The following EPB41L4A variants were observed in gnomAD, a reference collection of about 807,000 sequenced individuals.
EPB41L4A encodes erythrocyte membrane protein band 4.1 like 4A, also known as band 4.1-like protein 4A.
A neutral mutation model predicts 108.6 loss-of-function variants in EPB41L4A; 100 were observed. The observed-to-expected ratio is 0.92, with a 90% CI of 0.78 to 1.09. EPB41L4A has a LOEUF of 1.09. Ranked by LOEUF, EPB41L4A falls within the 50% of genes least tolerant of loss-of-function variation. The probability of loss-of-function intolerance (pLI) is 0.00; values close to 1 mark genes in which losing one functional copy is unlikely to be tolerated. For missense variants in EPB41L4A, 1,030 were observed against 842.7 expected (o/e 1.22, Z -2.75); for synonymous variants, 319 against 289.0 (o/e 1.10, Z -1.05).
In EPB41L4A at chr5:112,303,757, G is replaced by A. The variant is rs77848434; in HGVS notation, c.204+3629C>T. On this transcript the variant is annotated intron_variant, in intron 2 of 22. Coordinates refer to ENST00000261486, the MANE Select transcript of EPB41L4A (RefSeq NM_022140.5). The stretch of plus-strand genomic sequence containing the variant: ...GATGTGATCGGGAAAAAAGCTGCAT[G>A]GTGATATGTTTAGGAAACAATGGGA... Among the ~76,000 whole-genome samples, 1,131 of 152,232 alleles carry A rather than the reference G, an allele frequency of 7.4e-3. 16 individuals carry two copies. The highest frequency in any genetic ancestry group is 0.025 in the African/African-American group (1,052 of 41,544).
chr5:112,244,207 G>A (rs899089654), intron 9 of EPB41L4A, among the ~76,000 whole-genome samples: 1 of 152,204 alleles, frequency 6.6e-6, no homozygotes, highest in Non-Finnish European at 1.5e-5. Flanking sequence ...TAAGGACAGG[G>A]AGAGAGACAG....
In EPB41L4A at chr5:112,310,927, G is replaced by C. The variant is rs560281017; in HGVS notation, c.100-3437C>G. On this transcript the variant is annotated intron_variant, in intron 1 of 22. Coordinates refer to ENST00000261486, the MANE Select transcript of EPB41L4A (RefSeq NM_022140.5). The stretch of plus-strand genomic sequence containing the variant: ...CACAGAGTAGCTCCCAAGAGTAAGG[G>C]AGTATCCAATAGCAAAGGCATCCAA... Among the ~76,000 whole-genome samples, 6 of 152,210 alleles carry C rather than the reference G, an allele frequency of 3.9e-5. 1 individual carries two copies. In the South Asian group the frequency reaches 1.2e-3, roughly 32 times the overall value.
chr5:112,402,614 C>A (rs369546792), intron 1 of EPB41L4A, among the ~76,000 whole-genome samples: 1 of 152,096 alleles, frequency 6.6e-6, no homozygotes, highest in Admixed American at 6.6e-5. Flanking sequence ...GTGGAAGACT[C>A]GGCACTACAG....
chr5:112,346,345 C>T (rs1430726431), intron 1 of EPB41L4A, among the ~76,000 whole-genome samples: 1 of 150,370 alleles, frequency 6.7e-6, no homozygotes, highest in African/African-American at 2.4e-5. Flanking sequence ...CCTGCCTCAG[C>T]CTCCTGTAGC....
chr5:112,265,089 C>A, intron 5 of EPB41L4A, 73 bp from the exon 6 acceptor site: 1 of 1,286,320 alleles, frequency 7.8e-7, no homozygotes, highest in South Asian at 1.8e-5. Flanking sequence ...TAAAATATTC[C>A]TAACATGCTT....
chr5:112,176,962 C>T (rs1434264623), intron 18 of EPB41L4A, among the ~76,000 whole-genome samples: 9 of 152,068 alleles, frequency 5.9e-5, no homozygotes, highest in Middle Eastern at 3.4e-3. Flanking sequence ...ACCACGTTGG[C>T]CAGGCTTGTC....
intron 18 of EPB41L4A, among the ~76,000 whole-genome samples, chr5:112,174,545 A>G (rs537938144): frequency 5.3e-5 from 8 of 152,352 alleles, no homozygotes; most frequent in Non-Finnish European, 1.0e-4. Context: ...AATTAGTTTG[A>G]TGACACATCA....
At chr5:112,269,144 CTAAAAACTGG>C (rs1168848661) in intron 4 of EPB41L4A, among the ~76,000 whole-genome samples, 1 of 151,732 alleles carries the variant, frequency 6.6e-6, no homozygotes, top group Admixed American at 6.6e-5. Context: ...AGACAAAATT[CTAAAAACTGG>C]TAACATCATT....
At chr5:112,416,197 T>A (rs535221989) in intron 1 of EPB41L4A, among the ~76,000 whole-genome samples, 1 of 152,260 alleles carries the variant, frequency 6.6e-6, no homozygotes, top group South Asian at 2.1e-4. Flanking sequence ...TTTCTATTTG[T>A]AATTTGGTGC....
intron 3 of EPB41L4A, among the ~76,000 whole-genome samples, chr5:112,278,603 A>G (rs1330045105): frequency 6.6e-6 from 1 of 152,164 alleles, no homozygotes; most frequent in Admixed American, 6.5e-5. Context: ...TGCATTATAG[A>G]CTGATACTTA....
In EPB41L4A at chr5:112,298,092, C is replaced by A. The variant is rs367970224; in HGVS notation, c.204+9294G>T. Among the ~76,000 whole-genome samples the A allele has an allele frequency of 2.0e-5, 3 of 152,036 alleles. No individual in the cohort carries two copies. The East Asian group carries it at 5.8e-4, about 29-fold the overall frequency. ...TCCAGCTATGTTCTTTTTGCTTAGT[C>A]TCACTTTGGCTACGCAGGCTCTTTT... On this transcript the variant is annotated intron_variant, in intron 2 of 22. Coordinates refer to ENST00000261486, the MANE Select transcript of EPB41L4A (RefSeq NM_022140.5).
At chr5:112,187,739 GA>G (rs1761497642) in intron 17 of EPB41L4A, among the ~76,000 whole-genome samples, 1 of 152,116 alleles carries the variant, frequency 6.6e-6, no homozygotes, top group Non-Finnish European at 1.5e-5. Context: ...GCTCCTAACA[GA>G]ACCTTTCTTT....
At chr5:112,313,274 G>A (rs1301290057) in intron 1 of EPB41L4A, among the ~76,000 whole-genome samples, 2 of 152,188 alleles carry the variant, frequency 1.3e-5, no homozygotes, top group South Asian at 2.1e-4. Flanking sequence ...AAGTGAGACA[G>A]GGAGAGATTT....
chr5:112,333,639 C>G (rs935716158), intron 1 of EPB41L4A, among the ~76,000 whole-genome samples: 1 of 152,224 alleles, frequency 6.6e-6, no homozygotes, highest in African/African-American at 2.4e-5. Context: ...CCCCTCCACT[C>G]ACACACCGTA....
intron 12 of EPB41L4A, among the ~76,000 whole-genome samples, chr5:112,211,369 G>T (rs112690754): frequency 0.083 from 12,624 of 152,240 alleles, 574 homozygotes; most frequent in South Asian, 0.1. Flanking sequence ...GGATCACGAG[G>T]TCAGGAGTTC....
rs773454868 is a variant in EPB41L4A, at chr5:112,169,062, G to A, written c.1783C>T (p.Arg595Ter). 3.7e-6 allele frequency: 6 copies of A among 1,614,098 alleles called. No individual in the cohort carries two copies. The highest frequency in any genetic ancestry group is 1.6e-4 in the Middle Eastern group (1 of 6,062). The change falls in exon 21 of 23, where the codon CGA (arginine) becomes TGA (stop). Residue 595 changes from arginine to a stop codon, truncating the protein, a stop_gained. Coordinates refer to ENST00000261486, the MANE Select transcript of EPB41L4A (RefSeq NM_022140.5). LOFTEE classifies it high-confidence loss of function. ...PIRIRHSHSP[R>*]SYRQYRRSQC... Reference sequence around the variant, plus strand: ...GACCTGCGATACTGGCGGTAACTTCGTGGCGAATGAGAATGCCTGATGCGG... The same window carrying A: ...GACCTGCGATACTGGCGGTAACTTCATGGCGAATGAGAATGCCTGATGCGG...
Position 112,279,172 on chromosome 5 carries a change from G to A in EPB41L4A, c.256+1100C>T, listed in dbSNP as rs1369137887. Among the ~76,000 whole-genome samples, 3 of 151,816 alleles carry A rather than the reference G, an allele frequency of 2.0e-5. No homozygotes were observed. The East Asian group carries it at 5.8e-4, about 29-fold the overall frequency. ...AGAGCTGTAACTTGTAAACTCCAGT[G>A]GTTTCCACTACAGAGGTGGAAAGGC... On this transcript the variant is annotated intron_variant, in intron 3 of 22. Coordinates refer to ENST00000261486, the MANE Select transcript of EPB41L4A (RefSeq NM_022140.5).
chr5:112,407,218 TG>T (rs368965188), intron 1 of EPB41L4A, among the ~76,000 whole-genome samples: 23 of 152,286 alleles, frequency 1.5e-4, no homozygotes, highest in African/African-American at 5.5e-4. Context: ...ACACATTTAT[TG>T]GGATTTTTCA....
intron 15 of EPB41L4A, among the ~76,000 whole-genome samples, chr5:112,196,388 C>T (rs535348593): frequency 2.5e-4 from 38 of 152,258 alleles, no homozygotes; most frequent in Middle Eastern, 3.4e-3. Context: ...AAGGATAAAA[C>T]GAATTAATAC....
Sources: allele counts gnomAD v4.1 joint callset (sites outside exome capture counted in the v4.1 genomes callset), GRCh38; gene constraint gnomAD v4.1.1; transcripts MANE v1.5; gene names NCBI Gene and HGNC (gene_info 2026-07-23, HGNC 2026-07-21).